The following RPRD1A variants were observed in gnomAD, a reference collection of about 807,000 sequenced individuals.
RPRD1A encodes the protein regulation of nuclear pre-mRNA domain containing 1A.
Under a neutral mutation model 37.8 loss-of-function variants are expected in RPRD1A, and 9 were observed. The observed-to-expected ratio is 0.24, with a 90% CI of 0.14 to 0.42. The LOEUF (loss-of-function observed/expected upper bound fraction) is 0.42, where lower values mean the gene tolerates loss of function less well. RPRD1A is among the 10% of genes least tolerant of loss of function. The probability of loss-of-function intolerance (pLI) is 1.00; values close to 1 mark genes in which losing one functional copy is unlikely to be tolerated. For missense variants in RPRD1A, 255 were observed against 371.0 expected, an observed-to-expected ratio of 0.69 and a Z score of 2.57; for synonymous variants, 138 against 139.7, an observed-to-expected ratio of 0.99 and a Z score of 0.08.
At chr18:36,025,031 G>A (rs890701593) in intron 6 of RPRD1A, 1 of 152,156 alleles carries the variant, frequency 6.6e-6, no homozygotes, top group Non-Finnish European at 1.5e-5. Flanking sequence ...TTCCTAGAAG[G>A]CTTTATTTCA....
intron 1 of RPRD1A, among the ~76,000 whole-genome samples, chr18:36,038,004 G>A (rs1912318645): frequency 6.6e-6 from 1 of 152,158 alleles, no homozygotes; most frequent in African/African-American, 2.4e-5. Context: ...ATACGGTTTG[G>A]AATTGGAACT....
intron 6 of RPRD1A, among the ~76,000 whole-genome samples, chr18:36,018,088 C>T (rs1230242893): frequency 6.6e-6 from 1 of 152,184 alleles, no homozygotes; most frequent in African/African-American, 2.4e-5. Flanking sequence ...CTTGAACACA[C>T]AGCCCACTTA....
intron 6 of RPRD1A, among the ~76,000 whole-genome samples, chr18:36,022,042 A>T (rs1391395418): frequency 1.3e-5 from 2 of 152,182 alleles, no homozygotes; most frequent in African/African-American, 2.4e-5. Flanking sequence ...CAAAGAAGAA[A>T]GCTAAACAGC....
At chr18:36,046,458 A>G (rs1044877650) in intron 1 of RPRD1A, among the ~76,000 whole-genome samples, 2 of 152,080 alleles carry the variant, frequency 1.3e-5, no homozygotes, top group African/African-American at 4.8e-5. Context: ...CAGAACTTCT[A>G]CTTGCACACA....
At chr18:35,993,427 G>T in intron 6 of RPRD1A, 127 bp from the exon 7 acceptor site, 1 of 888,694 alleles carries the variant, frequency 1.1e-6, no homozygotes, top group Non-Finnish European at 1.6e-6. Flanking sequence ...TTATTCCAGT[G>T]TGAGTTTTCA....
chr18:35,996,686 TAAA>T (rs1456567256), intron 6 of RPRD1A, among the ~76,000 whole-genome samples: 1 of 152,138 alleles, frequency 6.6e-6, no homozygotes, highest in African/African-American at 2.4e-5. Context: ...GCAACTTGGT[TAAA>T]AATACTGGCC....
intron 6 of RPRD1A, among the ~76,000 whole-genome samples, chr18:36,007,804 G>A (rs1050194203): frequency 4.6e-5 from 7 of 151,978 alleles, no homozygotes; most frequent in Admixed American, 4.6e-4. Flanking sequence ...CGGGCGTGGT[G>A]GCATGCACCT....
chr18:36,002,055 T>C (rs1375414645), intron 6 of RPRD1A, among the ~76,000 whole-genome samples: 1 of 152,242 alleles, frequency 6.6e-6, no homozygotes, highest in African/African-American at 2.4e-5. Flanking sequence ...TTTGATTTTC[T>C]GTACTTTGAA....
intron 6 of RPRD1A, among the ~76,000 whole-genome samples, chr18:35,996,029 T>C (rs1909031645): frequency 6.6e-6 from 1 of 152,184 alleles, no homozygotes; most frequent in Non-Finnish European, 1.5e-5. Context: ...CCAAATCTAA[T>C]GTGATATTCT....
rs565721364 is a variant in RPRD1A, at chr18:36,067,164, A to C, written c.151+90T>G. The C allele has an allele frequency of 1.9e-5, 27 of 1,407,296 alleles. 1 individual carries two copies. The South Asian group carries it at 3.5e-4, about 18-fold the overall frequency. 87.2% of individuals were successfully genotyped at this position (1,407,296 alleles called of 1,614,324 possible). A position where few individuals can be genotyped will look rare whatever the true frequency, so the allele number is the denominator to read the frequency against. ...CGCGCGCTGGCATCCCGACGCCGGGAAGCCGGGGGCGCTGGAGAAACGGGG... is the reference window on the plus strand; with the variant it reads ...CGCGCGCTGGCATCCCGACGCCGGGCAGCCGGGGGCGCTGGAGAAACGGGG... On this transcript the variant is annotated intron_variant, in intron 1 of 6. Coordinates refer to ENST00000399022, the MANE Select transcript of RPRD1A (RefSeq NM_018170.5).
In RPRD1A at chr18:36,067,289, G is replaced by T; in HGVS notation, c.116C>A (p.Pro39His). The change falls in exon 1 of 7, where the codon CCC becomes CAC. Residue 39 changes from proline (P) to histidine (H), a missense_variant. Physicochemically the swap from Pro to His is moderately conservative, Grantham distance 77. Transcript: ENST00000399022. Reference sequence around the variant, plus strand: ...CTCCCGCTCCCACACGGTGACGATGGGACGCGAGTGTTTACGGTGGTGAAT... The same window carrying T: ...CTCCCGCTCCCACACGGTGACGATGTGACGCGAGTGTTTACGGTGGTGAAT... ...WLIHHRKHSR[P>H]IVTVWERELR... is the part of the protein sequence containing the mutation. 1 of 1,602,168 alleles carries T rather than the reference G, an allele frequency of 6.2e-7. No individual in the cohort carries two copies. The highest frequency in any genetic ancestry group is 8.5e-7 in the Non-Finnish European group (1 of 1,174,738).
intron 1 of RPRD1A, among the ~76,000 whole-genome samples, chr18:36,057,969 T>G (rs1397620562): frequency 1.3e-5 from 2 of 152,262 alleles, no homozygotes; most frequent in Non-Finnish European, 2.9e-5. Context: ...TCCCTTTATC[T>G]GCTCAATCAT....
At chr18:36,040,810 A>G (rs1021122528) in intron 1 of RPRD1A, 2 of 1,514,480 alleles carry the variant, frequency 1.3e-6, no homozygotes, top group African/African-American at 2.8e-5. Context: ...CACTTACAGT[A>G]AATTCCTGTT....
intron 1 of RPRD1A, among the ~76,000 whole-genome samples, chr18:36,056,336 A>G (rs2144400991): frequency 6.6e-6 from 1 of 151,826 alleles, no homozygotes; most frequent in South Asian, 2.1e-4. Context: ...CTCCCAGGCT[A>G]GAATGCAGTG....
chr18:36,045,031 G>A lies in RPRD1A; in HGVS notation c.152-11194C>T, dbSNP rs536920692. Among the ~76,000 whole-genome samples, 7 of 152,248 alleles carry A rather than the reference G, an allele frequency of 4.6e-5. No homozygotes were observed. In the South Asian group the frequency reaches 1.5e-3, roughly 32 times the overall value. ...AAAGTGGGTGGATCACTTGAGGCCA[G>A]GAGTTCAAGATGAGCCTGGGCAACG... is the stretch of plus-strand genomic sequence containing the variant. On this transcript the variant is annotated intron_variant, in intron 1 of 6. Transcript: ENST00000399022.
intron 1 of RPRD1A, among the ~76,000 whole-genome samples, chr18:36,042,432 T>C (rs189352599): frequency 1.9e-3 from 286 of 152,352 alleles, no homozygotes; most frequent in Non-Finnish European, 3.0e-3. Context: ...CCTGTGGCTT[T>C]AATTACTTGT....
At chr18:36,062,691 A>G (rs1171783690) in intron 1 of RPRD1A, among the ~76,000 whole-genome samples, 1 of 152,196 alleles carries the variant, frequency 6.6e-6, no homozygotes, top group Middle Eastern at 3.2e-3. Context: ...AAAACACACA[A>G]AAGACCACAT....
intron 1 of RPRD1A, among the ~76,000 whole-genome samples, chr18:36,038,414 T>C (rs925750939): frequency 1.3e-5 from 2 of 152,220 alleles, no homozygotes; most frequent in Admixed American, 1.3e-4. Flanking sequence ...TTCCATGTGA[T>C]TGTGGGCCTG....
chr18:36,039,377 G>A (rs1040842052), intron 1 of RPRD1A, among the ~76,000 whole-genome samples: 1 of 152,156 alleles, frequency 6.6e-6, no homozygotes, highest in African/African-American at 2.4e-5. Flanking sequence ...GAAGGGGCAT[G>A]GTAATAAATG....
Sources: allele counts gnomAD v4.1 joint callset (sites outside exome capture counted in the v4.1 genomes callset), GRCh38; gene constraint gnomAD v4.1.1; transcripts MANE v1.5; gene names NCBI Gene and HGNC (gene_info 2026-07-23, HGNC 2026-07-21).